The following TEP1 variants were observed in gnomAD, a reference collection of about 807,000 sequenced individuals.
TEP1 encodes telomerase associated protein 1, also known as telomerase protein component 1.
A neutral mutation model predicts 306.3 loss-of-function variants in TEP1; 241 were observed. The ratio of observed to expected loss-of-function variants is 0.79; its 90% CI spans 0.71 to 0.88. TEP1 has a LOEUF of 0.88. Ranked by LOEUF, TEP1 falls within the 40% of genes least tolerant of loss-of-function variation. The pLI is 0.00. For missense variants in TEP1, 3,051 were observed against 3,276.1 expected (o/e 0.93, Z 1.68); for synonymous variants, 1,289 against 1,305.5 (o/e 0.99, Z 0.27).
chr14:20,409,884 G>A (rs569274619), intron 1 of TEP1, among the ~76,000 whole-genome samples: 10 of 151,672 alleles, frequency 6.6e-5, no homozygotes, highest in African/African-American at 2.4e-4. Flanking sequence ...TAGCCAGGCA[G>A]GGTGGCGGGC....
At chr14:20,372,933 T>C in intron 48 of TEP1, 76 bp from the exon 49 acceptor site, 2 of 1,613,372 alleles carry the variant, frequency 1.2e-6, no homozygotes, top group Non-Finnish European at 1.7e-6. Flanking sequence ...CAGGCACATA[T>C]GCAACCTCTA....
chr14:20,400,057 G>A (rs1878540325), intron 9 of TEP1, among the ~76,000 whole-genome samples: 1 of 148,744 alleles, frequency 6.7e-6, no homozygotes, highest in South Asian at 2.1e-4. Flanking sequence ...TCGGGAGACT[G>A]AGGCAGGAGG....
intron 2 of TEP1, among the ~76,000 whole-genome samples, chr14:20,407,450 C>T (rs1041575922): frequency 4.6e-5 from 7 of 152,190 alleles, no homozygotes; most frequent in Non-Finnish European, 8.8e-5. Flanking sequence ...AAGCAATTCT[C>T]GTGCCTCAGC....
At chr14:20,385,184 G>T in intron 20 of TEP1, 75 bp from the exon 21 acceptor site, 2 of 1,579,540 alleles carry the variant, frequency 1.3e-6, no homozygotes, top group Non-Finnish European at 1.7e-6. Flanking sequence ...CAAGGCCCCA[G>T]GACTCCTGTA....
chr14:20,380,924 A>G lies in TEP1; in HGVS notation c.4762+7T>C, dbSNP rs377176995. 1.2e-6 allele frequency: 2 copies of G among 1,611,542 alleles called. No homozygotes were observed. Among genetic ancestry groups the G allele is most frequent in the Admixed American group, 3.3e-5 (2 of 60,026 alleles). Reference sequence around the variant, plus strand: ...CAGAGAAGAACCCAGCCAGTGACTCATCTCACCATAGAGGGCATGGGCCTC... The same window carrying G: ...CAGAGAAGAACCCAGCCAGTGACTCGTCTCACCATAGAGGGCATGGGCCTC... On this transcript the variant is annotated splice_region_variant and intron_variant, in intron 33 of 54. Transcript: ENST00000262715.
intron 29 of TEP1, 50 bp downstream of exon 29, chr14:20,382,174 A>G (rs1439743225): frequency 6.2e-7 from 1 of 1,613,556 alleles, no homozygotes; most frequent in Non-Finnish European, 8.5e-7. Flanking sequence ...AACCAATGTA[A>G]TCCGAACCCT....
At chr14:20,406,550 A>G in intron 2 of TEP1, 150 bp from the exon 3 acceptor site, 1 of 797,414 alleles carries the variant, frequency 1.3e-6, no homozygotes, top group Non-Finnish European at 2.0e-6. Flanking sequence ...ACCAGCACTG[A>G]TGTGTCCTGT....
rs1000381023 is a variant in TEP1 at position 20,373,608 on chromosome 14, A to G, written c.6605-25T>C. Reference sequence around the variant, plus strand: ...GCTGATAAGACACAGAGACTGAGTCAGAAGAAGGGACGGAGCAGGGGAGAA... The same window carrying G: ...GCTGATAAGACACAGAGACTGAGTCGGAAGAAGGGACGGAGCAGGGGAGAA... On this transcript the variant is annotated intron_variant, in intron 45 of 54. Coordinates refer to ENST00000262715, the MANE Select transcript of TEP1 (RefSeq NM_007110.5). 1.9e-6 allele frequency: 3 copies of G among 1,614,138 alleles called. No homozygotes were observed. In the African/African-American group the frequency reaches 4.0e-5, roughly 22 times the overall value.
At position 20,369,328 on chromosome 14, in the gene TEP1, C is replaced by G. The variant is rs772818538; in HGVS notation, c.7656+16G>C. ...CAGCCCTCCCCTAGTATTTCTGACC[C>G]TTCCTTCAAACTCACCTTTCTACGC... On this transcript the variant is annotated intron_variant, in intron 53 of 54. Transcript: ENST00000262715. 1 of 1,613,806 alleles carries G rather than the reference C, an allele frequency of 6.2e-7. No homozygotes were observed. Among genetic ancestry groups the G allele is most frequent in the South Asian group, 1.1e-5 (1 of 91,074 alleles).
chr14:20,389,852 C>T (rs1877542903), intron 15 of TEP1, 112 bp from the exon 16 acceptor site: 7 of 1,389,536 alleles, frequency 5.0e-6, no homozygotes, highest in Middle Eastern at 1.9e-4. Context: ...AGAGGAGTAC[C>T]TCTCCTGAGA....
chr14:20,383,479 C>T lies in TEP1; in HGVS notation c.3867+9G>A. Reference sequence around the variant, plus strand: ...TGCCTCCCGACACCCACCTCCTTCTCACACTCACCCGGGGAAGCTTCTTTG... The same window carrying T: ...TGCCTCCCGACACCCACCTCCTTCTTACACTCACCCGGGGAAGCTTCTTTG... On this transcript the variant is annotated intron_variant, in intron 26 of 54. Coordinates refer to ENST00000262715, the MANE Select transcript of TEP1 (RefSeq NM_007110.5). 1 of 1,614,150 alleles carries T rather than the reference C, an allele frequency of 6.2e-7. No individual in the cohort carries two copies. The highest frequency in any genetic ancestry group is 1.1e-5 in the South Asian group (1 of 91,086).
chr14:20,403,695 T>C, intron 6 of TEP1, 28 bp downstream of exon 6: 1 of 1,612,624 alleles, frequency 6.2e-7, no homozygotes. Flanking sequence ...AAAAGGGGCG[T>C]GGGTCGAGGG....
At chr14:20,412,916 C>A (rs1012969917) in intron 1 of TEP1, among the ~76,000 whole-genome samples, 1 of 151,992 alleles carries the variant, frequency 6.6e-6, no homozygotes, top group Non-Finnish European at 1.5e-5. Context: ...ACCTCCGCCT[C>A]CCAAAGTGCT....
chr14:20,404,849 G>C (rs1032729112), intron 4 of TEP1, 77 bp from the exon 5 acceptor site: 1 of 1,494,542 alleles, frequency 6.7e-7, no homozygotes, highest in East Asian at 2.3e-5. Context: ...CTTGCTGATT[G>C]AGTGTGCCTG....
At chr14:20,379,361 A>G (rs886365122) in intron 35 of TEP1, among the ~76,000 whole-genome samples, 8 of 152,240 alleles carry the variant, frequency 5.3e-5, no homozygotes, top group Admixed American at 5.2e-4. Context: ...ATGGGGTTAC[A>G]TGGGGTAGGG....
At chr14:20,399,350 T>C (rs1878471732) in intron 9 of TEP1, among the ~76,000 whole-genome samples, 1 of 152,146 alleles carries the variant, frequency 6.6e-6, no homozygotes, top group Non-Finnish European at 1.5e-5. Context: ...AAGTCCAATA[T>C]CATACTGGTG....
Position 20,403,462 on chromosome 14 carries a change from A to C in TEP1, c.1195-14T>G, listed in dbSNP as rs753717936. 3.7e-6 allele frequency: 6 copies of C among 1,614,024 alleles called. No homozygotes were observed. In the Admixed American group the frequency reaches 1.0e-4, roughly 27 times the overall value. On this transcript the variant is annotated splice_polypyrimidine_tract_variant and intron_variant, in intron 6 of 54. Transcript: ENST00000262715. ...AGGCTCCATCCCCTGTAGGGACAGG[A>C]GAAGCAATTTCAAAAAAAGGGAACT...
Position 20,406,326 on chromosome 14 carries a change from C to T in TEP1, c.642G>A (p.Glu214=), listed in dbSNP as rs1879172477. The change falls in exon 3 of 55, where the codon GAG becomes GAA. Residue 214 remains glutamate, a synonymous_variant. Coordinates refer to ENST00000262715, the MANE Select transcript of TEP1 (RefSeq NM_007110.5). The part of the protein sequence containing the change: ...QMPSYSLSLG[E]EEEVEDLAVK... ...CGGCCAGATCCTCCACCTCCTCCTC[C>T]TCTCCCAAGCTCAGACTATAAGAAG... is the stretch of plus-strand genomic sequence containing the variant. 1.2e-6 allele frequency: 2 copies of T among 1,614,174 alleles called. No homozygotes were observed. Among genetic ancestry groups the T allele is most frequent in the East Asian group, 2.2e-5 (1 of 44,880 alleles).
At chr14:20,396,849 C>G (rs4982042) in intron 9 of TEP1, 119 bp from the exon 10 acceptor site, 27,717 of 613,890 alleles carry the variant, frequency 0.045, 759 homozygotes, top group Middle Eastern at 0.065. Flanking sequence ...AGCCCAGAAC[C>G]CAGGAATTAG....
Sources: allele counts gnomAD v4.1 joint callset (sites outside exome capture counted in the v4.1 genomes callset), GRCh38; gene constraint gnomAD v4.1.1; transcripts MANE v1.5; gene names NCBI Gene and HGNC (gene_info 2026-07-23, HGNC 2026-07-21).